Variants in FBXO25 observed in about 807,000 individuals in gnomAD.
FBXO25 encodes the protein F-box protein 25, also known as F-box only protein 25.
A neutral mutation model predicts 51.9 loss-of-function variants in FBXO25; 45 were observed. The observed-to-expected ratio is 0.87, with a 90% CI of 0.68 to 1.11. The LOEUF is 1.11. FBXO25 is among the 50% of genes most tolerant of loss of function. The pLI, the probability that FBXO25 is intolerant of heterozygous loss-of-function variation, is 0.00. For synonymous variants in FBXO25, 199 were observed against 151.0 expected, an observed-to-expected ratio of 1.32 and a Z score of -2.33; for missense variants, 507 against 428.5, an observed-to-expected ratio of 1.18 and a Z score of -1.62.
At chr8:452,633 A>G (rs56216515) in intron 7 of FBXO25, among the ~76,000 whole-genome samples, 4,560 of 152,224 alleles carry the variant, frequency 0.03, 204 homozygotes, top group African/African-American at 0.091. Flanking sequence ...CATGGTCAGG[A>G]TCCCAAGGAA....
At chr8:430,428 A>C (rs186978679) in intron 2 of FBXO25, among the ~76,000 whole-genome samples, 42 of 150,574 alleles carry the variant, frequency 2.8e-4, no homozygotes, top group African/African-American at 9.2e-4. Flanking sequence ...AAAGTGACTC[A>C]TTTGGCAAAG....
At chr8:449,264 C>A (rs1272151283) in intron 5 of FBXO25, among the ~76,000 whole-genome samples, 2 of 152,158 alleles carry the variant, frequency 1.3e-5, no homozygotes. Context: ...CCACTTTTTC[C>A]TGCCATGATG....
chr8:434,961 C>G (rs1218579507), intron 4 of FBXO25, among the ~76,000 whole-genome samples: 1 of 152,148 alleles, frequency 6.6e-6, no homozygotes, highest in Admixed American at 6.5e-5. Flanking sequence ...CATCCGTGCT[C>G]CCAGCCTGAA....
At chr8:409,167 C>G (rs1233749565) in intron 1 of FBXO25, among the ~76,000 whole-genome samples, 3 of 152,118 alleles carry the variant, frequency 2.0e-5, no homozygotes, top group Non-Finnish European at 4.4e-5. Context: ...TAAATTGCAA[C>G]TTGTCTTTTT....
chr8:442,346 T>C (rs1276517892), intron 5 of FBXO25, among the ~76,000 whole-genome samples: 1 of 152,224 alleles, frequency 6.6e-6, no homozygotes, highest in Non-Finnish European at 1.5e-5. Flanking sequence ...GTAGGAACTA[T>C]TAAGATACTC....
At chr8:453,719 C>G (rs1799241730) in intron 7 of FBXO25, among the ~76,000 whole-genome samples, 1 of 152,114 alleles carries the variant, frequency 6.6e-6, no homozygotes, top group African/African-American at 2.4e-5. Flanking sequence ...GAGTGGAAGT[C>G]CAAGCACACC....
At chr8:459,826 C>G (rs1319756294) in intron 8 of FBXO25, among the ~76,000 whole-genome samples, 2 of 152,118 alleles carry the variant, frequency 1.3e-5, no homozygotes, top group Non-Finnish European at 1.5e-5. Flanking sequence ...TGAGGTGCCC[C>G]AGAACCTGGG....
At chr8:445,432 G>C (rs1017157217) in intron 5 of FBXO25, among the ~76,000 whole-genome samples, 1 of 152,164 alleles carries the variant, frequency 6.6e-6, no homozygotes, top group Non-Finnish European at 1.5e-5. Flanking sequence ...TGTTGTCTCA[G>C]GGGTCCTTTT....
chr8:461,012 G>A (rs976416268), intron 8 of FBXO25, among the ~76,000 whole-genome samples: 1 of 152,180 alleles, frequency 6.6e-6, no homozygotes, highest in South Asian at 2.1e-4. Context: ...CTAGTACAGT[G>A]TTGTACAAAC....
At chr8:424,280 T>G (rs1182353825) in intron 2 of FBXO25, among the ~76,000 whole-genome samples, 1 of 152,130 alleles carries the variant, frequency 6.6e-6, no homozygotes. Flanking sequence ...GTCAGACGCA[T>G]AGTTTGCAAA....
At chr8:429,125 C>T (rs1326027067) in intron 2 of FBXO25, among the ~76,000 whole-genome samples, 1 of 152,170 alleles carries the variant, frequency 6.6e-6, no homozygotes, top group Admixed American at 6.5e-5. Flanking sequence ...ATACTGTTTC[C>T]TATAGTAGCT....
intron 7 of FBXO25, 95 bp downstream of exon 7, chr8:451,548 T>C: frequency 2.5e-6 from 3 of 1,190,732 alleles, no homozygotes; most frequent in Non-Finnish European, 3.6e-6. Flanking sequence ...TATAGCTTTT[T>C]GAAAGATTTT....
At chr8:422,295 A>T (rs1797204984) in intron 2 of FBXO25, among the ~76,000 whole-genome samples, 1 of 152,228 alleles carries the variant, frequency 6.6e-6, no homozygotes, top group Non-Finnish European at 1.5e-5. Context: ...ATGGCACATC[A>T]TCTGTGGTGG....
At chr8:443,602 G>C (rs924712226) in intron 5 of FBXO25, among the ~76,000 whole-genome samples, 1 of 150,938 alleles carries the variant, frequency 6.6e-6, no homozygotes, top group African/African-American at 2.5e-5. Flanking sequence ...CAACTTGTGA[G>C]CTGTAGGAGG....
At position 468,704 on chromosome 8, in the gene FBXO25, C is replaced by T. The variant is rs543899549; in HGVS notation, c.988-11C>T. Reference sequence around the variant, plus strand: ...GGGGCCCCCTCCTAACCATCTCCCACCTCCCCACAGGACTCAGGACACCCC... The same window carrying T: ...GGGGCCCCCTCCTAACCATCTCCCATCTCCCCACAGGACTCAGGACACCCC... On this transcript the variant is annotated splice_polypyrimidine_tract_variant and intron_variant, in intron 9 of 9. Coordinates refer to ENST00000350302, the MANE Select transcript of FBXO25 (RefSeq NM_183420.2). 6.8e-6 allele frequency: 11 copies of T among 1,612,534 alleles called. No homozygotes were observed. The highest frequency in any genetic ancestry group is 1.7e-4 in the Middle Eastern group (1 of 6,048).
rs1480567007 is a variant in FBXO25, at chr8:471,645, T to A, written c.*2841T>A. On this transcript the variant is annotated 3_prime_UTR_variant, in exon 10 of 10. Transcript: ENST00000350302. ...CCTGTTCTCAGTCTGCGCTGCTCACTCAGGGCTGGTGTCTCTTGACACCCA... is the reference window on the plus strand; with the variant it reads ...CCTGTTCTCAGTCTGCGCTGCTCACACAGGGCTGGTGTCTCTTGACACCCA... 1.3e-5 allele frequency: 2 copies of A among 152,210 alleles called. No homozygotes were observed. The highest frequency in any genetic ancestry group is 2.9e-5 in the Non-Finnish European group (2 of 68,032). 9.4% of individuals were successfully genotyped at this position (152,210 alleles called of 1,614,324 possible).
intron 9 of FBXO25, chr8:467,840 C>A: frequency 1.3e-6 from 2 of 1,597,724 alleles, no homozygotes; most frequent in South Asian, 2.2e-5. Flanking sequence ...CTGCCCGGCT[C>A]GATTCCAGCT....
chr8:471,447 G>C lies in FBXO25; in HGVS notation c.*2643G>C, dbSNP rs1442331326. 1 of 152,206 alleles carries C rather than the reference G, an allele frequency of 6.6e-6. No homozygotes were observed. The highest frequency in any genetic ancestry group is 1.5e-5 in the Non-Finnish European group (1 of 68,044). The allele number at this position is 152,206 out of a possible 1,614,324, so 9.4% of individuals were successfully genotyped here. On this transcript the variant is annotated 3_prime_UTR_variant, in exon 10 of 10. Transcript: ENST00000350302. ...GTTTCTATCAGGGGGCCTTCCAAAAGTAGGGATGCCACTCCTGTGAGATTA... is the reference window on the plus strand; with the variant it reads ...GTTTCTATCAGGGGGCCTTCCAAAACTAGGGATGCCACTCCTGTGAGATTA...
chr8:455,094 T>G (rs1385308491), intron 7 of FBXO25, among the ~76,000 whole-genome samples: 1 of 152,114 alleles, frequency 6.6e-6, no homozygotes, highest in African/African-American at 2.4e-5. Context: ...AATTGACTCC[T>G]GTGAGAAGGT....
Sources: gnomAD v4.1 joint callset for allele counts (sites outside exome capture counted in the v4.1 genomes callset) on GRCh38, gnomAD v4.1.1 for gene constraint, MANE v1.5 for transcripts, NCBI Gene and HGNC (gene_info 2026-07-23, HGNC 2026-07-21) for gene names.